The following BRDT variants were observed in gnomAD, a reference collection of about 807,000 sequenced individuals.
BRDT encodes the protein bromodomain testis associated, also known as bromodomain testis-specific protein.
In BRDT, 77 loss-of-function variants were observed where a neutral mutation model predicts 113.9. The ratio of observed to expected loss-of-function variants is 0.68; its 90% CI spans 0.56 to 0.82. The LOEUF is 0.82. Ranked by LOEUF, BRDT falls within the 40% of genes least tolerant of loss-of-function variation. BRDT has a pLI of 0.00. For missense variants in BRDT, 1,027 were observed against 1,105.4 expected (o/e 0.93, Z 1.01); for synonymous variants, 358 against 366.5 (o/e 0.98, Z 0.26).
Position 91,994,079 on chromosome 1 carries a change from A to G in BRDT, c.2116-4A>G. ...AAGTGATAACTTTGATTTTGTTTTA[A>G]CAGATAGGATATTGTGTGCAAGACA... On this transcript the variant is annotated splice_region_variant and splice_polypyrimidine_tract_variant and intron_variant, in intron 14 of 18. Coordinates refer to ENST00000399546, the MANE Select transcript of BRDT (RefSeq NM_207189.4). The G allele has an allele frequency of 6.3e-7, 1 of 1,590,096 alleles. No individual in the cohort carries two copies. The highest frequency in any genetic ancestry group is 8.5e-7 in the Non-Finnish European group (1 of 1,171,900).
Position 91,985,638 on chromosome 1 carries a change from CTTTTTTT to C in BRDT, c.2002+3896_2002+3902del, listed in dbSNP as rs57330647. 4.8e-4 allele frequency among the ~76,000 whole-genome samples: 52 copies of C among 108,596 alleles called. No individual in the cohort carries two copies. In the South Asian group the frequency reaches 0.015, roughly 32 times the overall value. 71.2% of individuals were successfully genotyped at this position (108,596 alleles called of 152,430 possible). On this transcript the variant is annotated intron_variant, in intron 12 of 18. Transcript: ENST00000399546. ...AGAGACAGAGCTTTAATTAGTTTTG[CTTTTTTT>C]TTTTTTTTTTTTGAGACGGAGTCTG...
At chr1:91,956,837 A>AC (rs1681823297) in intron 1 of BRDT, among the ~76,000 whole-genome samples, 1 of 152,146 alleles carries the variant, frequency 6.6e-6, no homozygotes, top group South Asian at 2.1e-4. Context: ...TACTCAGGAA[A>AC]CTGAGGGAGG....
intron 4 of BRDT, among the ~76,000 whole-genome samples, chr1:91,970,864 A>G (rs1306048877): frequency 1.3e-5 from 2 of 149,844 alleles, no homozygotes; most frequent in African/African-American, 4.9e-5. Context: ...AGCCATGATC[A>G]CACCACTGCA....
At chr1:92,000,770 A>G in intron 15 of BRDT, among the ~76,000 whole-genome samples, 1 of 152,204 alleles carries the variant, frequency 6.6e-6, no homozygotes. Context: ...TTCACGCATC[A>G]GGATGTTCCA....
At chr1:91,955,837 A>G (rs1044426545) in intron 1 of BRDT, among the ~76,000 whole-genome samples, 5 of 152,240 alleles carry the variant, frequency 3.3e-5, no homozygotes, top group African/African-American at 1.2e-4. Context: ...ATTATCAAAT[A>G]TTAGCTATTG....
In BRDT at chr1:92,010,509, A is replaced by G. The variant is rs1570662868; in HGVS notation, c.2776-3697A>G. On this transcript the variant is annotated intron_variant, in intron 18 of 18. Transcript: ENST00000399546. ...CCATGTTGGCCAGGGCTAGTCTCAA[A>G]CTCCTGTCCTTAAGGGATCTGCCTG... is the stretch of plus-strand genomic sequence containing the variant. Among the ~76,000 whole-genome samples, 3 of 149,572 alleles carry G rather than the reference A, an allele frequency of 2.0e-5. No homozygotes were observed. In the South Asian group the frequency reaches 6.4e-4, roughly 32 times the overall value.
rs1246540278 is a variant in BRDT, at chr1:92,002,274, C to T, written c.2388+125C>T. 6 of 677,028 alleles carry T rather than the reference C, an allele frequency of 8.9e-6. No homozygotes were observed. The South Asian group carries it at 1.5e-4, about 17-fold the overall frequency. The allele number at this position is 677,028 out of a possible 1,614,324, so 41.9% of individuals were successfully genotyped here. Reference sequence around the variant, plus strand: ...GTTGGATCTCTAAGCCTAATTTTTGCCTACGTAATTTTTTGAAAAAGTACT... The same window carrying T: ...GTTGGATCTCTAAGCCTAATTTTTGTCTACGTAATTTTTTGAAAAAGTACT... On this transcript the variant is annotated intron_variant, in intron 16 of 18. Transcript: ENST00000399546.
rs762206654 is a variant in BRDT at position 92,007,877 on chromosome 1, CTTTA to C, written c.2775+2597_2775+2600del. Reference sequence around the variant, plus strand: ...TTACCATTTCCTGTGCTTTTCATTCCTTTATTTATTTATTTATTTATTCATTCAT... The same window carrying C: ...TTACCATTTCCTGTGCTTTTCATTCCTTTATTTATTTATTTATTCATTCAT... On this transcript the variant is annotated intron_variant, in intron 18 of 18. Coordinates refer to ENST00000399546, the MANE Select transcript of BRDT (RefSeq NM_207189.4). Among the ~76,000 whole-genome samples, 362 of 151,558 alleles carry C rather than the reference CTTTA, an allele frequency of 2.4e-3. 3 individuals carry two copies. Among genetic ancestry groups the C allele is most frequent in the African/African-American group, 4.8e-3 (199 of 41,132 alleles).
chr1:91,980,547 A>G (rs1015015276), intron 8 of BRDT, 96 bp from the exon 9 acceptor site: 2 of 1,079,308 alleles, frequency 1.9e-6, no homozygotes, highest in African/African-American at 1.6e-5. Context: ...TGAATTTCAC[A>G]AAAGACATTC....
rs1192590396 is a variant in BRDT, at chr1:91,978,216, G to C, written c.1018G>C (p.Asp340His). 5 of 1,614,022 alleles carry C rather than the reference G, an allele frequency of 3.1e-6. No homozygotes were observed. In the South Asian group the frequency reaches 4.4e-5, roughly 14 times the overall value. ...TAAGGATGCATACAAATTTGCGGCA[G>C]ATGTTAGATTAATGTTCATGAATTG... The part of the protein sequence containing the change: ...EYKDAYKFAA[D>H]VRLMFMNCYK... The change falls in exon 7 of 19, where the codon GAT becomes CAT. Residue 340 changes from aspartate to histidine, a missense_variant. Coordinates refer to ENST00000399546, the MANE Select transcript of BRDT (RefSeq NM_207189.4).
At chr1:91,979,484 T>C (rs1232363318) in intron 7 of BRDT, 85 bp from the exon 8 acceptor site, 1 of 1,314,762 alleles carries the variant, frequency 7.6e-7, no homozygotes, top group Non-Finnish European at 1.1e-6. Flanking sequence ...AATATGACAC[T>C]GAAATGTACT....
At chr1:91,958,010 T>C (rs1275068581) in intron 1 of BRDT, among the ~76,000 whole-genome samples, 1 of 152,044 alleles carries the variant, frequency 6.6e-6, no homozygotes. Flanking sequence ...TGGCTAACTT[T>C]TGTATTTTTA....
intron 15 of BRDT, 51 bp downstream of exon 15, chr1:91,994,305 C>A: frequency 7.3e-7 from 1 of 1,378,414 alleles, no homozygotes; most frequent in South Asian, 1.4e-5. Flanking sequence ...ACTTCTAAAC[C>A]TATACATATA....
intron 4 of BRDT, 43 bp downstream of exon 4, chr1:91,968,303 TC>T (rs1480656255): frequency 6.3e-7 from 1 of 1,598,656 alleles, no homozygotes; most frequent in South Asian, 1.1e-5. Flanking sequence ...TCTCTTTTTT[TC>T]CCCTATCTAT....
intron 16 of BRDT, 33 bp downstream of exon 16, chr1:92,002,182 G>T: frequency 6.8e-7 from 1 of 1,477,688 alleles, no homozygotes; most frequent in South Asian, 1.2e-5. Flanking sequence ...AACAAATCTT[G>T]AAGGGATTTG....
intron 3 of BRDT, among the ~76,000 whole-genome samples, chr1:91,967,686 C>A (rs1456938788): frequency 6.6e-6 from 1 of 152,124 alleles, no homozygotes; most frequent in African/African-American, 2.4e-5. Flanking sequence ...GCGTGAGCCA[C>A]CGCGCCCAGC....
intron 5 of BRDT, 146 bp from the exon 6 acceptor site, chr1:91,976,897 T>C (rs1403130763): frequency 1.6e-6 from 1 of 622,686 alleles, no homozygotes; most frequent in Non-Finnish European, 2.6e-6. Flanking sequence ...CAATATTTAA[T>C]ACATGGATTG....
intron 12 of BRDT, among the ~76,000 whole-genome samples, chr1:91,985,705 C>A (rs1215224317): frequency 4.3e-5 from 6 of 139,666 alleles, no homozygotes; most frequent in Non-Finnish European, 9.0e-5. Flanking sequence ...GTGGCGCCGT[C>A]TGGGCTTACT....
intron 1 of BRDT, among the ~76,000 whole-genome samples, chr1:91,954,288 T>C (rs2101491655): frequency 6.8e-6 from 1 of 147,968 alleles, no homozygotes; most frequent in Middle Eastern, 3.4e-3. Flanking sequence ...TTTTTTTTTT[T>C]TTTTTTTTTG....
Sources: gnomAD v4.1 joint callset for allele counts (sites outside exome capture counted in the v4.1 genomes callset) on GRCh38, gnomAD v4.1.1 for gene constraint, MANE v1.5 for transcripts, NCBI Gene and HGNC (gene_info 2026-07-23, HGNC 2026-07-21) for gene names.